The following WDPCP variants were observed in gnomAD, a reference collection of about 807,000 sequenced individuals.
WDPCP encodes the protein WD repeat containing planar cell polarity effector, also known as WD repeat-containing and planar cell polarity effector protein fritz homolog.
In WDPCP, 71 loss-of-function variants were observed where a neutral mutation model predicts 93.1. The observed-to-expected ratio is 0.76, with a 90% CI of 0.63 to 0.93. WDPCP has a LOEUF of 0.93. WDPCP is among the 40% of genes least tolerant of loss of function. WDPCP has a pLI of 0.00. For missense variants in WDPCP, 844 were observed against 887.4 expected (o/e 0.95, Z 0.62); for synonymous variants, 315 against 315.0 (o/e 1.00, Z 0.00).
chr2:63,500,326 G>A (rs914585835), intron 1 of WDPCP, among the ~76,000 whole-genome samples: 18 of 152,112 alleles, frequency 1.2e-4, no homozygotes, highest in African/African-American at 4.3e-4. Flanking sequence ...AAGCCATTGA[G>A]TAAGATCACA....
chr2:63,538,467 T>C lies in WDPCP; in HGVS notation c.76-45527A>G, dbSNP rs1222745980. On this transcript the variant is annotated intron_variant, in intron 1 of 17. Coordinates refer to ENST00000272321, the MANE Select transcript of WDPCP (RefSeq NM_015910.7). ...AATATTTGAAGCCATCCCTTTATAA[T>C]AAAAAAATTGCCTTTGACAAATTGT... 2.0e-5 allele frequency among the ~76,000 whole-genome samples: 3 copies of C among 152,112 alleles called. No individual in the cohort carries two copies. The East Asian group carries it at 5.8e-4, about 29-fold the overall frequency.
chr2:63,611,300 G>A (rs535908370), intron 3 of WDPCP, among the ~76,000 whole-genome samples: 1 of 152,230 alleles, frequency 6.6e-6, no homozygotes, highest in South Asian at 2.1e-4. Context: ...ATGTACAAGT[G>A]TATCTGCAGG....
intron 9 of WDPCP, among the ~76,000 whole-genome samples, chr2:63,411,504 A>G (rs1695021867): frequency 6.6e-6 from 1 of 152,138 alleles, no homozygotes; most frequent in African/African-American, 2.4e-5. Flanking sequence ...ACCCAAACCC[A>G]GCAGAAGAAA....
At chr2:63,357,212 GCAAAGATTTCATGACAAAGA>G (rs1251188696) in intron 12 of WDPCP, among the ~76,000 whole-genome samples, 2 of 152,016 alleles carry the variant, frequency 1.3e-5, no homozygotes, top group Admixed American at 6.6e-5. Context: ...ATAAGAACAG[GCAAAGATTTCATGACAAAGA>G]CACCAAAAGC....
chr2:63,280,986 TTAAAC>T (rs1419580859), intron 13 of WDPCP, among the ~76,000 whole-genome samples: 1 of 152,144 alleles, frequency 6.6e-6, no homozygotes, highest in Non-Finnish European at 1.5e-5. Context: ...TGGGACTTAA[TTAAAC>T]TAAAAAAGTT....
At chr2:63,282,018 C>T (rs993139345) in intron 13 of WDPCP, among the ~76,000 whole-genome samples, 6 of 151,492 alleles carry the variant, frequency 4.0e-5, no homozygotes, top group African/African-American at 1.5e-4. Context: ...AAGCAATCTA[C>T]AGATTCACTG....
intron 15 of WDPCP, among the ~76,000 whole-genome samples, chr2:63,167,370 G>A (rs1673068278): frequency 6.6e-6 from 1 of 151,832 alleles, no homozygotes; most frequent in Non-Finnish European, 1.5e-5. Context: ...AGTTACAATT[G>A]TTCCCTTTTC....
intron 13 of WDPCP, among the ~76,000 whole-genome samples, chr2:63,262,383 T>C (rs1048499088): frequency 4.6e-5 from 7 of 152,248 alleles, no homozygotes; most frequent in Non-Finnish European, 1.0e-4. Context: ...TCTGACCCAA[T>C]ATATTCTGTA....
At chr2:63,368,312 T>G (rs1421673591) in intron 12 of WDPCP, among the ~76,000 whole-genome samples, 2 of 84,910 alleles carry the variant, frequency 2.4e-5, no homozygotes, top group East Asian at 2.4e-4. Context: ...ATTTATTTAT[T>G]TATTTATTTA....
chr2:63,323,559 C>A (rs1463482106), intron 12 of WDPCP, among the ~76,000 whole-genome samples: 3 of 152,166 alleles, frequency 2.0e-5, no homozygotes, highest in Admixed American at 6.5e-5. Context: ...ACTCTTCCAA[C>A]CCTGGACATC....
At chr2:63,205,640 G>A (rs1346600332) in intron 14 of WDPCP, among the ~76,000 whole-genome samples, 1 of 152,132 alleles carries the variant, frequency 6.6e-6, no homozygotes, top group African/African-American at 2.4e-5. Flanking sequence ...TCATTGTTGG[G>A]ATATAGAAAT....
chr2:63,796,223 T>C (rs1240977666), intron 2 of WDPCP, among the ~76,000 whole-genome samples: 1 of 152,180 alleles, frequency 6.6e-6, no homozygotes, highest in East Asian at 1.9e-4. Flanking sequence ...GAAGCTGACA[T>C]GCTAAGAAGA....
intron 14 of WDPCP, among the ~76,000 whole-genome samples, chr2:63,200,148 G>A (rs868086344): frequency 1.4e-4 from 22 of 152,094 alleles, no homozygotes; most frequent in South Asian, 2.1e-4. Context: ...ATTGTATCTT[G>A]GAAGTAACTA....
intron 3 of WDPCP, among the ~76,000 whole-genome samples, chr2:63,602,934 CTTTTTTTTTTTT>C (rs370479356): frequency 7.6e-6 from 1 of 131,624 alleles, no homozygotes; most frequent in African/African-American, 2.7e-5. Flanking sequence ...TTTAACCGTT[CTTTTTTTTTTTT>C]TTTTTTTTTT....
intron 12 of WDPCP, among the ~76,000 whole-genome samples, chr2:63,319,055 G>A (rs1190583719): frequency 6.6e-6 from 1 of 152,152 alleles, no homozygotes; most frequent in African/African-American, 2.4e-5. Flanking sequence ...AACAATGGGA[G>A]GTAGAAGACA....
intron 2 of WDPCP, among the ~76,000 whole-genome samples, chr2:63,777,193 AATT>A (rs1387540444): frequency 6.6e-6 from 1 of 152,228 alleles, no homozygotes; most frequent in African/African-American, 2.4e-5. Context: ...AAATATGTAT[AATT>A]ATTATGTGTC....
intron 9 of WDPCP, among the ~76,000 whole-genome samples, chr2:63,420,938 TTGTACATGCCTCTTTG>T (rs1288073251): frequency 6.6e-6 from 1 of 152,194 alleles, no homozygotes; most frequent in Non-Finnish European, 1.5e-5. Flanking sequence ...ATGAACACTA[TTGTACATGCCTCTTTG>T]TGCACATGGG....
intron 13 of WDPCP, among the ~76,000 whole-genome samples, chr2:63,300,738 C>T (rs1399269679): frequency 3.3e-5 from 5 of 152,218 alleles, no homozygotes; most frequent in Admixed American, 2.6e-4. Context: ...GGGAAGATGT[C>T]TTTGTGATTT....
rs1258470180 is a variant in WDPCP at position 63,684,442 on chromosome 2, T to C, written n.309-33604A>G. On this transcript the variant is annotated intron_variant and non_coding_transcript_variant, in intron 2 of 4. Transcript: ENST00000467687. ...TACAGCCACCTCTGGTGGCTGGAAT[T>C]GACTGCTACCCCCGCAAAGTGATAG... 7 of 847,790 alleles carry C rather than the reference T, an allele frequency of 8.3e-6. No homozygotes were observed. The Admixed American group carries it at 8.7e-5, about 11-fold the overall frequency. The allele number at this position is 847,790 out of a possible 1,614,324, so 52.5% of individuals were successfully genotyped here. A position where few individuals can be genotyped will look rare whatever the true frequency, so the allele number is the denominator to read the frequency against.
Sources: gnomAD v4.1 joint callset for allele counts (sites outside exome capture counted in the v4.1 genomes callset) on GRCh38, gnomAD v4.1.1 for gene constraint, MANE v1.5 for transcripts, NCBI Gene and HGNC (gene_info 2026-07-23, HGNC 2026-07-21) for gene names.